MRRF: variants seen among roughly 807,000 people sequenced by gnomAD.
MRRF encodes mitochondrial ribosome recycling factor, also known as ribosome-recycling factor, mitochondrial.
In MRRF, 18 loss-of-function variants were observed where a neutral mutation model predicts 25.1. That is an observed-to-expected ratio of 0.72 (90% CI 0.50 to 1.06). MRRF has a LOEUF of 1.06. MRRF is among the 50% of genes least tolerant of loss of function. MRRF has a pLI of 0.00. For missense variants in MRRF, 323 were observed against 319.3 expected (o/e 1.01, Z -0.09); for synonymous variants, 113 against 112.1 (o/e 1.01, Z -0.05).
At chr9:122,282,234 A>G (rs1337528091) in intron 3 of MRRF, among the ~76,000 whole-genome samples, 1 of 152,176 alleles carries the variant, frequency 6.6e-6, no homozygotes, top group Non-Finnish European at 1.5e-5. Context: ...TCTTTCTCAC[A>G]GCAATTTCTA....
chr9:122,270,124 T>C (rs1832358500), intron 1 of MRRF, among the ~76,000 whole-genome samples: 1 of 152,254 alleles, frequency 6.6e-6, no homozygotes. Flanking sequence ...AATTTTTACC[T>C]GAGCCATAGC....
chr9:122,322,225 C>T (rs1041156385), intron 6 of MRRF, among the ~76,000 whole-genome samples: 42 of 152,030 alleles, frequency 2.8e-4, no homozygotes, highest in Admixed American at 6.5e-4. Flanking sequence ...TAGCCGGGCG[C>T]GGTGGCGGGC....
intron 3 of MRRF, among the ~76,000 whole-genome samples, chr9:122,283,245 C>G (rs565391237): frequency 3.4e-4 from 52 of 152,154 alleles, no homozygotes; most frequent in African/African-American, 1.2e-3. Flanking sequence ...AGGTGCCCAC[C>G]ACCATGCCCA....
intron 2 of MRRF, among the ~76,000 whole-genome samples, chr9:122,273,130 G>GAA (rs1360108988): frequency 2.0e-5 from 3 of 152,094 alleles, no homozygotes; most frequent in Non-Finnish European, 4.4e-5. Context: ...TGAAATTTAT[G>GAA]ATCATAGTGT....
intron 6 of MRRF, among the ~76,000 whole-genome samples, chr9:122,316,364 TGA>T (rs1459586415): frequency 1.3e-5 from 2 of 151,928 alleles, no homozygotes; most frequent in East Asian, 3.9e-4. Flanking sequence ...TTAGTAGAGA[TGA>T]GGTTTCACCA....
In MRRF at chr9:122,325,041, C is replaced by T. The variant is rs1357366079; in HGVS notation, c.*2424C>T. On this transcript the variant is annotated 3_prime_UTR_variant, in exon 7 of 7. Transcript: ENST00000344641. Reference sequence around the variant, plus strand: ...AAATCCCCCACTCACTGCAAATGTGCTTCTCAAAGATGCAGGATTTTTTAA... The same window carrying T: ...AAATCCCCCACTCACTGCAAATGTGTTTCTCAAAGATGCAGGATTTTTTAA... The T allele has an allele frequency of 6.6e-6, 1 of 152,206 alleles. No individual in the cohort carries two copies. Among genetic ancestry groups the T allele is most frequent in the Non-Finnish European group, 1.5e-5 (1 of 68,038 alleles). 9.4% of individuals were successfully genotyped at this position (152,206 alleles called of 1,614,324 possible).
intron 2 of MRRF, among the ~76,000 whole-genome samples, chr9:122,276,935 A>G (rs1277082529): frequency 6.6e-6 from 1 of 152,186 alleles, no homozygotes; most frequent in Non-Finnish European, 1.5e-5. Context: ...ATCACAGCCC[A>G]CTGCAACCTT....
In MRRF at chr9:122,323,812, C is replaced by G. The variant is rs1447357765; in HGVS notation, c.*1195C>G. On this transcript the variant is annotated 3_prime_UTR_variant, in exon 7 of 7. Transcript: ENST00000344641. ...GTATTAGGTAATTTGCCCAAAGTAA[C>G]AAAGCAAAGCTGATCAGTGGTAGAA... 6.6e-6 allele frequency: 1 copy of G among 152,056 alleles called. No individual in the cohort carries two copies. Among genetic ancestry groups the G allele is most frequent in the East Asian group, 1.9e-4 (1 of 5,194 alleles). 9.4% of individuals were successfully genotyped at this position (152,056 alleles called of 1,614,324 possible).
In MRRF at chr9:122,331,013, C is replaced by G. The variant is rs533703197; in HGVS notation, c.*8396C>G. On this transcript the variant is annotated 3_prime_UTR_variant, in exon 7 of 7. Coordinates refer to ENST00000344641, the MANE Select transcript of MRRF (RefSeq NM_138777.5). ...TCATACATTATTTTCACTAAGAGACCAGTGGGGCTGGAAAGGGACTTGTGA... is the reference window on the plus strand; with the variant it reads ...TCATACATTATTTTCACTAAGAGACGAGTGGGGCTGGAAAGGGACTTGTGA... The G allele has an allele frequency of 1.8e-4, 28 of 152,264 alleles. No individual in the cohort carries two copies. The highest frequency in any genetic ancestry group is 6.7e-4 in the African/African-American group (28 of 41,542). 9.4% of individuals were successfully genotyped at this position (152,264 alleles called of 1,614,324 possible).
chr9:122,298,184 T>C (rs931364697), intron 5 of MRRF, among the ~76,000 whole-genome samples: 1 of 152,212 alleles, frequency 6.6e-6, no homozygotes, highest in Non-Finnish European at 1.5e-5. Context: ...CTTTCTGTTT[T>C]TGTTTTGTGT....
chr9:122,328,658 T>TA lies in MRRF; in HGVS notation c.*6042dup, dbSNP rs1309429924. 1 of 152,232 alleles carries TA rather than the reference T, an allele frequency of 6.6e-6. No individual in the cohort carries two copies. The highest frequency in any genetic ancestry group is 2.4e-5 in the African/African-American group (1 of 41,464). 9.4% of individuals were successfully genotyped at this position (152,232 alleles called of 1,614,324 possible). On this transcript the variant is annotated 3_prime_UTR_variant, in exon 7 of 7. Transcript: ENST00000344641. ...CATTTACATTTATTTATAATAGTGA[T>TA]ATGTTTAGTAGAACCCATTTACTTT...
At chr9:122,279,694 G>A (rs539964701) in intron 2 of MRRF, among the ~76,000 whole-genome samples, 3 of 152,208 alleles carry the variant, frequency 2.0e-5, no homozygotes, top group Non-Finnish European at 2.9e-5. Context: ...ATTATATTCA[G>A]CTCCCAATGC....
intron 3 of MRRF, among the ~76,000 whole-genome samples, chr9:122,283,969 G>T (rs1456572098): frequency 1.0e-5 from 1 of 100,268 alleles, no homozygotes; most frequent in Non-Finnish European, 1.8e-5. Flanking sequence ...TAATAGTTTT[G>T]TTGTTGTTGT....
chr9:122,287,579 T>C (rs1276304648), intron 4 of MRRF, among the ~76,000 whole-genome samples: 1 of 152,202 alleles, frequency 6.6e-6, no homozygotes, highest in Non-Finnish European at 1.5e-5. Flanking sequence ...GCCACTTCTT[T>C]TATTAAATAG....
rs148509118 is a variant in MRRF, at chr9:122,287,162, C to A, written c.459+1875C>A. On this transcript the variant is annotated intron_variant, in intron 4 of 6. Transcript: ENST00000344641. Reference sequence around the variant, plus strand: ...CTAAGTTCTCCTATACAGCACAATTCTTTTTCTTTATTGCACTTATTACTA... The same window carrying A: ...CTAAGTTCTCCTATACAGCACAATTATTTTTCTTTATTGCACTTATTACTA... 3.2e-3 allele frequency among the ~76,000 whole-genome samples: 494 copies of A among 152,324 alleles called. 12 individuals carry two copies. In the South Asian group the frequency reaches 0.059, roughly 18 times the overall value.
rs1161132396 is a variant in MRRF, at chr9:122,323,639, T to C, written c.*1022T>C. 1 of 152,248 alleles carries C rather than the reference T, an allele frequency of 6.6e-6. No individual in the cohort carries two copies. Among genetic ancestry groups the C allele is most frequent in the Non-Finnish European group, 1.5e-5 (1 of 68,044 alleles). The allele number at this position is 152,248 out of a possible 1,614,324, so 9.4% of individuals were successfully genotyped here. ...CGGATACTGGGTTATTAGGTTTTTT[T>C]CCCTCCAATTATTTTTTATTCATTC... is the stretch of plus-strand genomic sequence containing the variant. On this transcript the variant is annotated 3_prime_UTR_variant, in exon 7 of 7. Coordinates refer to ENST00000344641, the MANE Select transcript of MRRF (RefSeq NM_138777.5).
chr9:122,315,684 G>C (rs1384756802), intron 6 of MRRF, among the ~76,000 whole-genome samples: 2 of 151,972 alleles, frequency 1.3e-5, no homozygotes, highest in Non-Finnish European at 2.9e-5. Flanking sequence ...CCTGGCTCCA[G>C]CTGGGCCGGC....
intron 4 of MRRF, 88 bp from the exon 5 acceptor site, chr9:122,291,661 C>A: frequency 1.1e-6 from 1 of 910,704 alleles, no homozygotes; most frequent in Non-Finnish European, 1.9e-6. Flanking sequence ...CCATGTTCTG[C>A]CAAGATGGGT....
At chr9:122,315,811 T>C (rs1835476898) in intron 6 of MRRF, among the ~76,000 whole-genome samples, 1 of 152,110 alleles carries the variant, frequency 6.6e-6, no homozygotes, top group Non-Finnish European at 1.5e-5. Context: ...AGCCAGGACA[T>C]CTGCCTCAGG....
Sources: allele counts gnomAD v4.1 joint callset (sites outside exome capture counted in the v4.1 genomes callset), GRCh38; gene constraint gnomAD v4.1.1; transcripts MANE v1.5; gene names NCBI Gene and HGNC (gene_info 2026-07-23, HGNC 2026-07-21).